The following CLOCK variants were observed in gnomAD, a reference collection of about 807,000 sequenced individuals.
CLOCK encodes the protein clock circadian regulator, also known as circadian locomoter output cycles protein kaput.
In CLOCK, 43 loss-of-function variants were observed where a neutral mutation model predicts 118.4. The ratio of observed to expected loss-of-function variants is 0.36; its 90% CI spans 0.28 to 0.47. The LOEUF is 0.47. CLOCK is among the 20% of genes least tolerant of loss of function. CLOCK has a pLI of 1.00. For synonymous variants in CLOCK, 326 were observed against 339.2 expected (o/e 0.96, Z 0.43); for missense variants, 846 against 999.9 (o/e 0.85, Z 2.08).
chr4:55,465,548 G>A (rs546241993), intron 8 of CLOCK, among the ~76,000 whole-genome samples: 20 of 152,292 alleles, frequency 1.3e-4, no homozygotes, highest in African/African-American at 4.8e-4. Context: ...TTAGACTAAG[G>A]AGGTATTTGA....
intron 3 of CLOCK, among the ~76,000 whole-genome samples, chr4:55,483,496 C>T: frequency 6.6e-6 from 1 of 152,034 alleles, no homozygotes. Context: ...TTTTCAAAGG[C>T]AAAATCTTAA....
rs1023147621 is a variant in CLOCK at position 55,435,126 on chromosome 4, GCTT to G, written c.*286_*288del. The G allele has an allele frequency of 2.0e-4, 82 of 407,994 alleles. No individual in the cohort carries two copies. Among genetic ancestry groups the G allele is most frequent in the Admixed American group, 1.6e-3 (44 of 27,408 alleles). The allele number at this position is 407,994 out of a possible 1,614,324, so 25.3% of individuals were successfully genotyped here. ...TCCCTGGAGGTCATTTCATAGCTGA[GCTT>G]CTTAATATTTGGCAATATATTCTTT... On this transcript the variant is annotated 3_prime_UTR_variant, in exon 23 of 23. Coordinates refer to ENST00000513440, the MANE Select transcript of CLOCK (RefSeq NM_004898.4).
At chr4:55,482,147 C>A (rs904043478) in intron 4 of CLOCK, among the ~76,000 whole-genome samples, 2 of 152,034 alleles carry the variant, frequency 1.3e-5, no homozygotes, top group Non-Finnish European at 2.9e-5. Flanking sequence ...GTTTTTCATG[C>A]GGGTAGACTA....
chr4:55,446,082 C>A (rs538996951), intron 18 of CLOCK, among the ~76,000 whole-genome samples: 8 of 147,368 alleles, frequency 5.4e-5, no homozygotes, highest in African/African-American at 2.0e-4. Context: ...CTACCACTTA[C>A]TGGAAAAAAA....
chr4:55,446,160 C>A (rs914054572), intron 18 of CLOCK, among the ~76,000 whole-genome samples: 2 of 141,032 alleles, frequency 1.4e-5, no homozygotes, highest in Admixed American at 1.5e-4. Flanking sequence ...GTGGTGTGAT[C>A]ACAGCTTATT....
At chr4:55,460,680 G>T (rs1725267715) in intron 9 of CLOCK, among the ~76,000 whole-genome samples, 1 of 152,118 alleles carries the variant, frequency 6.6e-6, no homozygotes, top group Non-Finnish European at 1.5e-5. Context: ...ATTACTCTTA[G>T]ACTTGTAATT....
chr4:55,438,793 A>G (rs1055260864), intron 21 of CLOCK, among the ~76,000 whole-genome samples: 1 of 152,238 alleles, frequency 6.6e-6, no homozygotes, highest in Non-Finnish European at 1.5e-5. Flanking sequence ...AAAAGAATAA[A>G]GTTAGATCCT....
intron 1 of CLOCK, among the ~76,000 whole-genome samples, chr4:55,540,046 C>T (rs528878919): frequency 2.0e-4 from 29 of 148,022 alleles, no homozygotes; most frequent in Admixed American, 3.4e-4. Context: ...CTTGATCTGT[C>T]GCACAGGCTG....
chr4:55,443,660 A>G, intron 20 of CLOCK, 27 bp downstream of exon 20: 2 of 1,575,016 alleles, frequency 1.3e-6, no homozygotes, highest in Non-Finnish European at 1.7e-6. Flanking sequence ...TGATCACTCC[A>G]TAGCCCGCTG....
intron 14 of CLOCK, 78 bp downstream of exon 14, chr4:55,453,599 C>T (rs970615155): frequency 1.2e-4 from 152 of 1,256,082 alleles, no homozygotes; most frequent in Non-Finnish European, 1.6e-4. Flanking sequence ...TCTTTAACAA[C>T]TTACGCATAA....
At chr4:55,454,443 C>T (rs1184069730) in intron 13 of CLOCK, among the ~76,000 whole-genome samples, 1 of 151,622 alleles carries the variant, frequency 6.6e-6, no homozygotes, top group East Asian at 1.9e-4. Flanking sequence ...AGTGAAACCC[C>T]ATCTCTACTG....
chr4:55,498,238 T>C (rs1349017228), intron 2 of CLOCK, among the ~76,000 whole-genome samples: 1 of 152,200 alleles, frequency 6.6e-6, no homozygotes, highest in Non-Finnish European at 1.5e-5. Context: ...GCCACAAGTA[T>C]TCCCCTTTGT....
chr4:55,538,851 C>T (rs1310957965), intron 1 of CLOCK, among the ~76,000 whole-genome samples: 1 of 152,078 alleles, frequency 6.6e-6, no homozygotes, highest in Non-Finnish European at 1.5e-5. Context: ...CTGACTTCAA[C>T]AAAAAGAAAG....
chr4:55,457,681 AG>A (rs1339231945), intron 11 of CLOCK, among the ~76,000 whole-genome samples: 1 of 152,186 alleles, frequency 6.6e-6, no homozygotes, highest in Non-Finnish European at 1.5e-5. Flanking sequence ...CACTAACCCT[AG>A]ACTCTAGTCA....
In CLOCK at chr4:55,430,058, AG is replaced by A. The variant is rs1722400572; in HGVS notation, c.*5356del. ...ACTTTGATGAGAAAACAGAACACAC[AG>A]GTATTTTAAAATATAAATAAATACA... is the stretch of plus-strand genomic sequence containing the variant. On this transcript the variant is annotated 3_prime_UTR_variant, in exon 23 of 23. Transcript: ENST00000513440. 6.6e-6 allele frequency: 1 copy of A among 152,250 alleles called. No homozygotes were observed. The highest frequency in any genetic ancestry group is 6.5e-5 in the Admixed American group (1 of 15,286). The allele number at this position is 152,250 out of a possible 1,614,324, so 9.4% of individuals were successfully genotyped here.
chr4:55,437,399 T>G (rs1722970260), intron 22 of CLOCK, among the ~76,000 whole-genome samples: 1 of 152,178 alleles, frequency 6.6e-6, no homozygotes. Flanking sequence ...AAAGGTAGAT[T>G]TCTAGTGAGG....
chr4:55,508,372 T>C (rs920130556), intron 2 of CLOCK, among the ~76,000 whole-genome samples: 2 of 152,218 alleles, frequency 1.3e-5, no homozygotes, highest in Non-Finnish European at 2.9e-5. Flanking sequence ...CCTGATTTAC[T>C]ATTTTAAAAT....
At chr4:55,450,050 GTTACT>G (rs1243762276) in intron 16 of CLOCK, 36 bp downstream of exon 16, 3 of 1,610,826 alleles carry the variant, frequency 1.9e-6, no homozygotes, top group Non-Finnish European at 2.5e-6. Context: ...AGTTTAGTTA[GTTACT>G]TTAAAGGAAG....
Position 55,453,125 on chromosome 4 carries a change from C to T in CLOCK, c.1135G>A (p.Ala379Thr). Residue 379 changes from alanine (A) to threonine (T), a missense_variant, in exon 15 of 23, where the codon GCA becomes ACA. Transcript: ENST00000513440. ...CGTCGTCTTTCAGCCCTAACTTCTG[C>T]ATAACTACAAATGGAAAAAATAATC... ...IVCTHTVVSY[A>T]EVRAERRREL... 2.5e-6 allele frequency: 4 copies of T among 1,612,530 alleles called. No individual in the cohort carries two copies. Among genetic ancestry groups the T allele is most frequent in the Non-Finnish European group, 3.4e-6 (4 of 1,178,818 alleles).
Sources: allele counts gnomAD v4.1 joint callset (sites outside exome capture counted in the v4.1 genomes callset), GRCh38; gene constraint gnomAD v4.1.1; transcripts MANE v1.5; gene names NCBI Gene and HGNC (gene_info 2026-07-23, HGNC 2026-07-21).